Variants in GAB2 observed in about 807,000 individuals in gnomAD.
The protein encoded by GAB2 is GRB2-associated-binding protein 2.
GAB2 carries 26 observed loss-of-function variants against 65.5 expected under a neutral mutation model. The observed-to-expected ratio is 0.40, with a 90% CI of 0.29 to 0.55. GAB2 has a LOEUF of 0.55. Among genes scored for constraint, GAB2 ranks in the 20% least tolerant of loss-of-function variants. The pLI is 0.53. For synonymous variants in GAB2, 321 were observed against 329.6 expected (o/e 0.97, Z 0.28); for missense variants, 884 against 875.8 (o/e 1.01, Z -0.12).
chr11:78,255,872 A>G (rs1000007730), intron 2 of GAB2, among the ~76,000 whole-genome samples: 29 of 152,332 alleles, frequency 1.9e-4, no homozygotes, highest in African/African-American at 6.0e-4. Context: ...CAAAAGCGAC[A>G]TGGTGTGCTA....
intron 1 of GAB2, among the ~76,000 whole-genome samples, chr11:78,326,030 T>C (rs978850675): frequency 6.6e-6 from 1 of 152,236 alleles, no homozygotes; most frequent in South Asian, 2.1e-4. Flanking sequence ...ACAATCATTC[T>C]TATCTTGTGT....
intron 2 of GAB2, among the ~76,000 whole-genome samples, chr11:78,274,033 C>A (rs755500189): frequency 1.5e-4 from 23 of 151,854 alleles, no homozygotes; most frequent in Admixed American, 9.2e-4. Context: ...TTGTAAATTG[C>A]CCAGTCTCAG....
intron 1 of GAB2, among the ~76,000 whole-genome samples, chr11:78,307,604 T>TACAGAGAGAGAGAG (rs1554986626): frequency 1.6e-5 from 2 of 121,884 alleles, no homozygotes; most frequent in African/African-American, 7.3e-5. Flanking sequence ...CAAAAAATGT[T>TACAGAGAGAGAGAG]AGAGAGAGAG....
chr11:78,406,607 A>C (rs1857048361), intron 1 of GAB2, among the ~76,000 whole-genome samples: 1 of 152,136 alleles, frequency 6.6e-6, no homozygotes, highest in Non-Finnish European at 1.5e-5. Context: ...TGAGCTCCTG[A>C]CCTCAGGTGA....
At chr11:78,387,342 G>A (rs1276812644) in intron 1 of GAB2, among the ~76,000 whole-genome samples, 1 of 152,170 alleles carries the variant, frequency 6.6e-6, no homozygotes, top group East Asian at 1.9e-4. Flanking sequence ...AAGGTTTTCA[G>A]ACACTTTCTG....
intron 1 of GAB2, among the ~76,000 whole-genome samples, chr11:78,383,969 A>C (rs1856732532): frequency 6.6e-6 from 1 of 152,090 alleles, no homozygotes; most frequent in Non-Finnish European, 1.5e-5. Context: ...AGGAGCAGAG[A>C]GCTTCACTGC....
chr11:78,284,742 C>T (rs550236168), intron 1 of GAB2, among the ~76,000 whole-genome samples: 35 of 152,224 alleles, frequency 2.3e-4, no homozygotes, highest in African/African-American at 8.2e-4. Context: ...TGTATACCCC[C>T]AAAAGATATC....
At chr11:78,250,853 G>GA (rs1865434823) in intron 2 of GAB2, among the ~76,000 whole-genome samples, 1 of 152,182 alleles carries the variant, frequency 6.6e-6, no homozygotes, top group Non-Finnish European at 1.5e-5. Context: ...TGCAGAAACA[G>GA]AAAACCAAAT....
intron 5 of GAB2, 115 bp downstream of exon 5, chr11:78,224,993 G>A (rs768398704): frequency 8.9e-6 from 6 of 673,710 alleles, no homozygotes; most frequent in South Asian, 7.1e-5. Context: ...AACTTGGGCA[G>A]GGTCCTAAGA....
chr11:78,309,783 T>C (rs1268788830), intron 1 of GAB2, among the ~76,000 whole-genome samples: 2 of 152,070 alleles, frequency 1.3e-5, no homozygotes, highest in Non-Finnish European at 2.9e-5. Context: ...TCTCAGGATA[T>C]AGAGAGTAAC....
chr11:78,390,524 G>C (rs1177087059), intron 1 of GAB2, among the ~76,000 whole-genome samples: 1 of 152,302 alleles, frequency 6.6e-6, no homozygotes, highest in East Asian at 1.9e-4. Context: ...GGGAGGCGGA[G>C]GTTGCAGCAA....
At chr11:78,317,647 T>G (rs1315047809) in intron 1 of GAB2, among the ~76,000 whole-genome samples, 3 of 152,112 alleles carry the variant, frequency 2.0e-5, no homozygotes, top group African/African-American at 2.4e-5. Flanking sequence ...AAATAATTTT[T>G]TTAAAAAGTA....
At chr11:78,344,849 G>C (rs572745722) in intron 1 of GAB2, among the ~76,000 whole-genome samples, 1 of 151,490 alleles carries the variant, frequency 6.6e-6, no homozygotes, top group Non-Finnish European at 1.5e-5. Flanking sequence ...TGTTTTTTTT[G>C]AAAATCTAGG....
chr11:78,250,477 GA>G (rs1865424006), intron 2 of GAB2, 77 bp from the exon 3 acceptor site: 1 of 1,307,458 alleles, frequency 7.6e-7, no homozygotes, highest in Non-Finnish European at 1.1e-6. Context: ...GTCAGAGGAA[GA>G]AAAAAGAGTA....
chr11:78,417,726 C>G lies in GAB2; in HGVS notation c.-6G>C, dbSNP rs1304443250. On this transcript the variant is annotated 5_prime_UTR_variant, in exon 1 of 10. Coordinates refer to ENST00000361507, the MANE Select transcript of GAB2 (RefSeq NM_080491.3). ...ACGTCGCCGCCGCCGCTCATGCTGCCGGCCTGGAGCCCCCCGCCGGGTCGC... is the reference window on the plus strand; with the variant it reads ...ACGTCGCCGCCGCCGCTCATGCTGCGGGCCTGGAGCCCCCCGCCGGGTCGC... 6 of 1,298,788 alleles carry G rather than the reference C, an allele frequency of 4.6e-6. No homozygotes were observed. In the South Asian group the frequency reaches 6.5e-5, roughly 14 times the overall value. The allele number at this position is 1,298,788 out of a possible 1,614,324, so 80.5% of individuals were successfully genotyped here. A position where few individuals can be genotyped will look rare whatever the true frequency, so the allele number is the denominator to read the frequency against.
intron 1 of GAB2, among the ~76,000 whole-genome samples, chr11:78,329,316 C>A (rs920886526): frequency 6.6e-6 from 1 of 152,094 alleles, no homozygotes; most frequent in South Asian, 2.1e-4. Context: ...AATTAAAAAT[C>A]CCTTACACTT....
intron 1 of GAB2, among the ~76,000 whole-genome samples, chr11:78,315,707 A>C (rs114583418): frequency 0.015 from 2,274 of 152,362 alleles, 62 homozygotes; most frequent in African/African-American, 0.052. Context: ...CAAAGGACAC[A>C]ATCAACCAAG....
In GAB2 at chr11:78,336,548, G is replaced by T. The variant is rs188769532; in HGVS notation, c.76-55647C>A. 6.6e-5 allele frequency among the ~76,000 whole-genome samples: 10 copies of T among 150,782 alleles called. No homozygotes were observed. In the East Asian group the frequency reaches 1.9e-3, roughly 29 times the overall value. On this transcript the variant is annotated intron_variant, in intron 1 of 9. Coordinates refer to ENST00000361507, the MANE Select transcript of GAB2 (RefSeq NM_080491.3). Reference sequence around the variant, plus strand: ...TGAGATCATATCATGAGCAAACAAGGATAATTTGACTTCCTGGGAGGAGGG... The same window carrying T: ...TGAGATCATATCATGAGCAAACAAGTATAATTTGACTTCCTGGGAGGAGGG...
rs1254166971 is a variant in GAB2, at chr11:78,291,278, G to A, written c.76-10377C>T. ...CCATCCTGGCTAATACGGTGAAACC[G>A]TCTCTACTAAAACGACAAAAAAAAA... On this transcript the variant is annotated intron_variant, in intron 1 of 9. Transcript: ENST00000361507. 3.8e-5 allele frequency among the ~76,000 whole-genome samples: 5 copies of A among 131,896 alleles called. No individual in the cohort carries two copies. The East Asian group carries it at 6.6e-4, about 17-fold the overall frequency. 86.5% of individuals were successfully genotyped at this position (131,896 alleles called of 152,430 possible). A position where few individuals can be genotyped will look rare whatever the true frequency, so the allele number is the denominator to read the frequency against.
Sources: gnomAD v4.1 joint callset for allele counts (sites outside exome capture counted in the v4.1 genomes callset) on GRCh38, gnomAD v4.1.1 for gene constraint, MANE v1.5 for transcripts, NCBI Gene and HGNC (gene_info 2026-07-23, HGNC 2026-07-21) for gene names.